Variants in CNOT4 observed in about 807,000 individuals in gnomAD.
The protein encoded by CNOT4 is CCR4-associated factor 4.
In CNOT4, 8 loss-of-function variants were observed where a neutral mutation model predicts 73.8. The observed-to-expected ratio is 0.11, with a 90% CI of 0.06 to 0.20. The LOEUF is 0.20. Ranked by LOEUF, CNOT4 falls within the 10% of genes least tolerant of loss-of-function variation. The pLI, the probability that CNOT4 is intolerant of heterozygous loss-of-function variation, is 1.00. For synonymous variants in CNOT4, 293 were observed against 321.1 expected (o/e 0.91, Z 0.94); for missense variants, 564 against 883.4 (o/e 0.64, Z 4.58).
At chr7:135,412,167 C>T (rs572196505) in intron 6 of CNOT4, among the ~76,000 whole-genome samples, 12 of 151,838 alleles carry the variant, frequency 7.9e-5, no homozygotes, top group South Asian at 2.1e-4. Flanking sequence ...TCAGGAGATA[C>T]GGCTTTCACT....
At chr7:135,484,975 T>A (rs766739275) in intron 1 of CNOT4, among the ~76,000 whole-genome samples, 1 of 152,188 alleles carries the variant, frequency 6.6e-6, no homozygotes, top group Non-Finnish European at 1.5e-5. Context: ...ACTTACTATG[T>A]TCATTGACGG....
intron 2 of CNOT4, among the ~76,000 whole-genome samples, chr7:135,423,373 A>T (rs2129484584): frequency 6.6e-6 from 1 of 151,774 alleles, no homozygotes; most frequent in South Asian, 2.1e-4. Context: ...AAAAAAAAAA[A>T]GGTGGAAACA....
In CNOT4 at chr7:135,395,803, G is replaced by C; in HGVS notation, c.960C>G (p.His320Gln). The change falls in exon 9 of 12, where the codon CAC becomes CAG. Residue 320 changes from histidine to glutamine, a missense_variant. By Grantham distance (24) the His-to-Gln change is conservative. Transcript: ENST00000541284. Reference protein sequence around the residue: ...NPVIPISSSNHSARSPFEGAV... With the variant: ...NPVIPISSSNQSARSPFEGAV... ...CCCCTTCAAAAGGGGACCGTGCACTGTGATTGGATGAACTGATGGGGATGA... is the reference window on the plus strand; with the variant it reads ...CCCCTTCAAAAGGGGACCGTGCACTCTGATTGGATGAACTGATGGGGATGA... The C allele has an allele frequency of 6.2e-7, 1 of 1,613,696 alleles. No individual in the cohort carries two copies. Among genetic ancestry groups the C allele is most frequent in the Non-Finnish European group, 8.5e-7 (1 of 1,179,582 alleles).
chr7:135,412,592 G>T (rs906814443), intron 6 of CNOT4, among the ~76,000 whole-genome samples: 2 of 151,868 alleles, frequency 1.3e-5, no homozygotes, highest in Admixed American at 1.3e-4. Flanking sequence ...AAACTCTGAT[G>T]TATTTATTAT....
intron 1 of CNOT4, among the ~76,000 whole-genome samples, chr7:135,439,109 A>C (rs925255193): frequency 6.6e-6 from 1 of 152,244 alleles, no homozygotes; most frequent in African/African-American, 2.4e-5. Flanking sequence ...GAAAAGTTAA[A>C]TAATATAACT....
intron 1 of CNOT4, among the ~76,000 whole-genome samples, chr7:135,504,480 T>TA (rs1170729048): frequency 0.042 from 2,378 of 56,528 alleles, 253 homozygotes; most frequent in South Asian, 0.092. Flanking sequence ...TTTTTTTTTT[T>TA]TTTTTTTTTA....
In CNOT4 at chr7:135,362,814, GGGT is replaced by G. The variant is rs1794708493; in HGVS notation, c.*68_*70del. On this transcript the variant is annotated 3_prime_UTR_variant, in exon 12 of 12. Coordinates refer to ENST00000541284, the MANE Select transcript of CNOT4 (RefSeq NM_001190850.2). ...ACATAAGAGATGAGAAGGGAGCTGT[GGGT>G]GGTGGGCTGAGAGGGAGAAAACAGA... The G allele has an allele frequency of 7.5e-7, 1 of 1,338,110 alleles. No homozygotes were observed. Among genetic ancestry groups the G allele is most frequent in the Non-Finnish European group, 1.1e-6 (1 of 928,538 alleles). 82.9% of individuals were successfully genotyped at this position (1,338,110 alleles called of 1,614,324 possible).
At chr7:135,417,482 C>T (rs1470360962) in intron 3 of CNOT4, among the ~76,000 whole-genome samples, 2 of 152,100 alleles carry the variant, frequency 1.3e-5, no homozygotes, top group South Asian at 2.1e-4. Flanking sequence ...GTGTTACATT[C>T]GTTTTTAAAA....
intron 1 of CNOT4, among the ~76,000 whole-genome samples, chr7:135,440,920 A>C (rs1799440609): frequency 6.6e-6 from 1 of 152,180 alleles, no homozygotes; most frequent in Non-Finnish European, 1.5e-5. Flanking sequence ...CTCAAAAAAA[A>C]AAAAAAGAGT....
intron 8 of CNOT4, among the ~76,000 whole-genome samples, chr7:135,396,308 G>A (rs1454468997): frequency 1.3e-5 from 2 of 151,578 alleles, no homozygotes; most frequent in Admixed American, 6.6e-5. Flanking sequence ...TAGTAGAGAC[G>A]GGGTTTCACC....
chr7:135,428,568 G>C (rs1337720426), intron 2 of CNOT4, among the ~76,000 whole-genome samples: 1 of 151,954 alleles, frequency 6.6e-6, no homozygotes, highest in East Asian at 1.9e-4. Flanking sequence ...AAAACCAATA[G>C]TTAAAAACTC....
In CNOT4 at chr7:135,414,380, C is replaced by T. The variant is rs937546975; in HGVS notation, c.512G>A (p.Arg171Lys). 3 of 1,566,526 alleles carry T rather than the reference C, an allele frequency of 1.9e-6. No homozygotes were observed. The highest frequency in any genetic ancestry group is 3.3e-4 in the Middle Eastern group (2 of 5,972). Residue 171 changes from arginine (R) to lysine (K), a missense_variant, in exon 5 of 12, where the codon AGA (arginine) becomes AAA (lysine). By Grantham distance (26) the Arg-to-Lys change is conservative. Around this residue, in one of 10 missense-constraint regions of CNOT4, gnomAD observed 25 missense variants for 25.1 expected, o/e 1.00. Transcript: ENST00000541284. Reference protein sequence around the residue: ...VTYIRSEDALRAIQCVNNVVV... With the variant: ...VTYIRSEDALKAIQCVNNVVV... ...CACATTGTTGACACACTGTATGGCT[C>T]TGAGAGCGTCTTCTGACCGGATATA... is the stretch of plus-strand genomic sequence containing the variant.
At position 135,509,972 on chromosome 7, in the gene CNOT4, A is replaced by G. The variant is rs1279452778; in HGVS notation, c.-176T>C. On this transcript the variant is annotated 5_prime_UTR_variant, in exon 1 of 12. Coordinates refer to ENST00000541284, the MANE Select transcript of CNOT4 (RefSeq NM_001190850.2). ...AGAAACCACCGAACGAGCGTCGGGG[A>G]AAAAACTCTTCAGAACCGGGCCTGA... The G allele has an allele frequency of 2.5e-6, 1 of 398,972 alleles. No individual in the cohort carries two copies. The highest frequency in any genetic ancestry group is 2.1e-5 in the African/African-American group (1 of 48,604). The allele number at this position is 398,972 out of a possible 1,614,324, so 24.7% of individuals were successfully genotyped here.
chr7:135,410,122 G>A (rs923933837), intron 7 of CNOT4, among the ~76,000 whole-genome samples: 10 of 152,012 alleles, frequency 6.6e-5, no homozygotes, highest in African/African-American at 2.4e-4. Context: ...AACACACAAG[G>A]CTTCCTTCAG....
At chr7:135,489,559 C>A (rs1461525767) in intron 1 of CNOT4, among the ~76,000 whole-genome samples, 2 of 151,976 alleles carry the variant, frequency 1.3e-5, no homozygotes, top group Non-Finnish European at 2.9e-5. Flanking sequence ...CCACACCCAG[C>A]TAATTTTTGT....
chr7:135,414,250 A>T (rs2129484184), intron 5 of CNOT4, 81 bp downstream of exon 5: 1 of 624,858 alleles, frequency 1.6e-6, no homozygotes, highest in East Asian at 2.7e-5. Flanking sequence ...TTAATATATA[A>T]ATGCTCAGTT....
intron 1 of CNOT4, among the ~76,000 whole-genome samples, chr7:135,505,264 C>T (rs988262092): frequency 2.8e-4 from 43 of 151,942 alleles, no homozygotes; most frequent in African/African-American, 9.4e-4. Flanking sequence ...ATAAAGAAGC[C>T]GTACTTGAGG....
At chr7:135,375,576 G>T (rs1479831328) in intron 10 of CNOT4, among the ~76,000 whole-genome samples, 1 of 152,132 alleles carries the variant, frequency 6.6e-6, no homozygotes, top group East Asian at 1.9e-4. Flanking sequence ...ATAGATTTAT[G>T]GGTATCAAAA....
At position 135,395,623 on chromosome 7, in the gene CNOT4, T is replaced by C. The variant is rs1473614591; in HGVS notation, c.1129+11A>G. 5 of 1,610,656 alleles carry C rather than the reference T, an allele frequency of 3.1e-6. No individual in the cohort carries two copies. Among genetic ancestry groups the C allele is most frequent in the South Asian group, 1.1e-5 (1 of 90,772 alleles). On this transcript the variant is annotated intron_variant, in intron 9 of 11. Coordinates refer to ENST00000541284, the MANE Select transcript of CNOT4 (RefSeq NM_001190850.2). Reference sequence around the variant, plus strand: ...GCATAATTACTAATACTTGGTACTATTGTTATATACCTGATGTGAAGAGGC... The same window carrying C: ...GCATAATTACTAATACTTGGTACTACTGTTATATACCTGATGTGAAGAGGC...
Sources: allele counts gnomAD v4.1 joint callset (sites outside exome capture counted in the v4.1 genomes callset), GRCh38; gene constraint gnomAD v4.1.1; regional missense constraint gnomAD v4.1.1; transcripts MANE v1.5; gene names NCBI Gene and HGNC (gene_info 2026-07-23, HGNC 2026-07-21).